SHTN1: variants seen among roughly 807,000 people sequenced by gnomAD.
SHTN1 encodes the protein shootin 1, also known as shootin-1.
A neutral mutation model predicts 83.1 loss-of-function variants in SHTN1; 42 were observed. The ratio of observed to expected loss-of-function variants is 0.51; its 90% CI spans 0.39 to 0.65. SHTN1 has a LOEUF of 0.65. SHTN1 is among the 30% of genes least tolerant of loss of function. The pLI is 0.00. For missense variants in SHTN1, 622 were observed against 737.8 expected, an observed-to-expected ratio of 0.84 and a Z score of 1.82; for synonymous variants, 224 against 247.7, an observed-to-expected ratio of 0.90 and a Z score of 0.90.
At chr10:116,950,488 C>T (rs1849737705) in intron 6 of SHTN1, among the ~76,000 whole-genome samples, 1 of 152,128 alleles carries the variant, frequency 6.6e-6, no homozygotes, top group Non-Finnish European at 1.5e-5. Flanking sequence ...GTTCATTATG[C>T]CTTCTCAGAT....
intron 4 of SHTN1, among the ~76,000 whole-genome samples, chr10:116,955,443 T>C (rs1454276221): frequency 4.6e-5 from 7 of 152,184 alleles, no homozygotes; most frequent in Non-Finnish European, 1.0e-4. Flanking sequence ...CTAGAGCCCT[T>C]GACCAGGAAG....
intron 1 of SHTN1, among the ~76,000 whole-genome samples, chr10:117,052,060 C>T (rs1384164999): frequency 4.4e-4 from 39 of 89,360 alleles, no homozygotes; most frequent in Admixed American, 1.2e-3. Context: ...ATTTCTAGAG[C>T]TAATAAACAA....
chr10:117,004,799 G>C (rs1245693093), intron 1 of SHTN1, among the ~76,000 whole-genome samples: 1 of 152,210 alleles, frequency 6.6e-6, no homozygotes, highest in Non-Finnish European at 1.5e-5. Context: ...CTCGAGCTGC[G>C]GGGCCTGACT....
chr10:117,111,179 C>T (rs900402924), intron 1 of SHTN1, among the ~76,000 whole-genome samples: 8 of 152,054 alleles, frequency 5.3e-5, no homozygotes, highest in Admixed American at 5.2e-4. Context: ...GCCTGGGCAA[C>T]AGAGTGAGGC....
intron 9 of SHTN1, 86 bp from the exon 10 acceptor site, chr10:116,930,088 C>T: frequency 1.2e-6 from 1 of 863,950 alleles, no homozygotes; most frequent in Non-Finnish European, 1.7e-6. Context: ...TAAATATTTC[C>T]CTTTGACTGT....
At chr10:116,896,867 C>G (rs1230077482) in intron 16 of SHTN1, among the ~76,000 whole-genome samples, 1 of 147,918 alleles carries the variant, frequency 6.8e-6, no homozygotes, top group Non-Finnish European at 1.5e-5. Flanking sequence ...AGTGCAGTGG[C>G]ACAATCTGGG....
chr10:116,975,425 T>C (rs1215597813), intron 2 of SHTN1, among the ~76,000 whole-genome samples: 4 of 151,432 alleles, frequency 2.6e-5, no homozygotes, highest in Non-Finnish European at 5.9e-5. Flanking sequence ...TCTTTGTCCA[T>C]TGCCCAGCCA....
At chr10:116,966,721 T>C (rs889081585) in intron 3 of SHTN1, among the ~76,000 whole-genome samples, 1 of 152,170 alleles carries the variant, frequency 6.6e-6, no homozygotes, top group African/African-American at 2.4e-5. Context: ...ACCAAAATAT[T>C]TTATAAACCC....
chr10:116,947,013 G>C (rs1010655931), intron 7 of SHTN1, among the ~76,000 whole-genome samples: 1 of 152,042 alleles, frequency 6.6e-6, no homozygotes, highest in African/African-American at 2.4e-5. Flanking sequence ...GAGCCACCGC[G>C]CCTGGACATA....
intron 1 of SHTN1, among the ~76,000 whole-genome samples, chr10:116,989,656 C>T (rs936642706): frequency 6.6e-6 from 1 of 152,230 alleles, no homozygotes; most frequent in Non-Finnish European, 1.5e-5. Context: ...CTTCCCCATA[C>T]ATTTACCTTC....
At chr10:116,974,480 G>A (rs1449441626) in intron 2 of SHTN1, among the ~76,000 whole-genome samples, 1 of 152,048 alleles carries the variant, frequency 6.6e-6, no homozygotes, top group East Asian at 1.9e-4. Context: ...ATAGACAACT[G>A]AGCCAAGATG....
rs1236262486 is a variant in SHTN1 at position 116,915,442 on chromosome 10, A to T, written c.1238T>A (p.Met413Lys). ...TDLKRQAVEE[M>K]MDRIKKGVHL... ...AACTCCCTTTTTAATTCTATCCATC[A>T]TCTCTTCAACTGCTTGCCTCTTTAG... is the stretch of plus-strand genomic sequence containing the variant. Residue 413 changes from methionine (M) to lysine (K), a missense_variant, in exon 13 of 17, where the codon ATG becomes AAG. Physicochemically the swap from Met to Lys is moderately conservative, Grantham distance 95. Transcript: ENST00000355371. 6.2e-7 allele frequency: 1 copy of T among 1,612,044 alleles called. No homozygotes were observed. The highest frequency in any genetic ancestry group is 8.5e-7 in the Non-Finnish European group (1 of 1,178,202).
intron 1 of SHTN1, among the ~76,000 whole-genome samples, chr10:117,119,923 G>A (rs1169756855): frequency 6.6e-6 from 1 of 151,890 alleles, no homozygotes; most frequent in Non-Finnish European, 1.5e-5. Context: ...AAATAAGCCA[G>A]GCGCAGAGAG....
At position 116,938,552 on chromosome 10, in the gene SHTN1, G is replaced by A. The variant is rs186470180; in HGVS notation, c.858+1914C>T. On this transcript the variant is annotated intron_variant, in intron 9 of 16. Transcript: ENST00000355371. ...TTCCTCTGGAAGCTTCATCCCAGAA[G>A]GGCACCTGCCAGATGCCAGCTGGAG... Among the ~76,000 whole-genome samples, 331 of 152,336 alleles carry A rather than the reference G, an allele frequency of 2.2e-3. 5 individuals carry two copies. The highest frequency in any genetic ancestry group is 1.3e-3 in the Non-Finnish European group (90 of 68,036).
chr10:117,030,581 T>C (rs550478563), intron 2 of SHTN1, among the ~76,000 whole-genome samples: 1 of 152,130 alleles, frequency 6.6e-6, no homozygotes, highest in Non-Finnish European at 1.5e-5. Flanking sequence ...AATAGCCATT[T>C]TGAGGAAACT....
At chr10:117,121,815 G>C (rs936042286) in intron 1 of SHTN1, among the ~76,000 whole-genome samples, 10 of 152,050 alleles carry the variant, frequency 6.6e-5, no homozygotes, top group Non-Finnish European at 1.3e-4. Context: ...GGCAGATCAC[G>C]AGGTCAGGAG....
intron 1 of SHTN1, among the ~76,000 whole-genome samples, chr10:117,115,072 C>T (rs548288446): frequency 1.3e-5 from 2 of 152,314 alleles, no homozygotes; most frequent in East Asian, 3.9e-4. Flanking sequence ...GCTTTTAACT[C>T]TTTGGGGGTC....
At chr10:116,977,974 C>A (rs1368378492) in intron 2 of SHTN1, among the ~76,000 whole-genome samples, 1 of 152,102 alleles carries the variant, frequency 6.6e-6, no homozygotes, top group African/African-American at 2.4e-5. Context: ...CAAGCACCAG[C>A]CCCTTCTAAT....
chr10:117,110,829 AT>A (rs1853755827), intron 1 of SHTN1, among the ~76,000 whole-genome samples: 1 of 152,212 alleles, frequency 6.6e-6, no homozygotes. Context: ...ACAAGCACTT[AT>A]TAAGTAAGAC....
Sources: allele counts gnomAD v4.1 joint callset (sites outside exome capture counted in the v4.1 genomes callset), GRCh38; gene constraint gnomAD v4.1.1; transcripts MANE v1.5; gene names NCBI Gene and HGNC (gene_info 2026-07-23, HGNC 2026-07-21).